The following CPXM2 variants were observed in gnomAD, a reference collection of about 807,000 sequenced individuals.
CPXM2 encodes carboxypeptidase X, M14 family member 2.
CPXM2 carries 66 observed loss-of-function variants against 86.1 expected under a neutral mutation model. The observed-to-expected ratio is 0.77, with a 90% confidence interval of 0.63 to 0.94. The LOEUF (loss-of-function observed/expected upper bound fraction) is 0.94, where lower values mean the gene tolerates loss of function less well. CPXM2 is among the 40% of genes least tolerant of loss of function. CPXM2 has a pLI of 0.00. For synonymous variants in CPXM2, 388 were observed against 400.2 expected (o/e 0.97, Z 0.36); for missense variants, 948 against 1,026.3 (o/e 0.92, Z 1.04).
intron 6 of CPXM2, among the ~76,000 whole-genome samples, chr10:123,794,734 CGTGTGTGTGTGT>C (rs142855432): frequency 2.8e-5 from 4 of 141,328 alleles, no homozygotes; most frequent in East Asian, 2.1e-4. Flanking sequence ...TATTTAAGAC[CGTGTGTGTGTGT>C]GTGTGTGTGT....
intron 2 of CPXM2, among the ~76,000 whole-genome samples, chr10:123,932,813 AG>A (rs1357133461): frequency 6.6e-6 from 1 of 152,224 alleles, no homozygotes; most frequent in Admixed American, 6.5e-5. Context: ...AAATACAGCA[AG>A]GGCTCCAACA....
At chr10:123,914,357 C>T (rs28706509) in intron 2 of CPXM2, among the ~76,000 whole-genome samples, 2,749 of 152,260 alleles carry the variant, frequency 0.018, 41 homozygotes, top group African/African-American at 0.045. Flanking sequence ...TGTTCTTTAG[C>T]GCTGGGTCTG....
At chr10:123,895,540 AATAACTCCTTCTGC>A (rs1338018431), upstream of CPXM2, among the ~76,000 whole-genome samples, 4 of 152,232 alleles carry the variant, frequency 2.6e-5, no homozygotes, top group South Asian at 2.1e-4. Flanking sequence ...AGAAAATTTC[AATAACTCCTTCTGC>A]ATAACTAATC....
intron 5 of CPXM2, among the ~76,000 whole-genome samples, chr10:123,798,683 G>A (rs1847387386): frequency 6.6e-6 from 1 of 152,208 alleles, no homozygotes; most frequent in Admixed American, 6.5e-5. Context: ...TGGATACCAT[G>A]CTAGGAATAT....
chr10:123,806,732 G>C (rs1017858097), intron 4 of CPXM2, among the ~76,000 whole-genome samples: 1 of 152,076 alleles, frequency 6.6e-6, no homozygotes, highest in African/African-American at 2.4e-5. Context: ...CACATCTTAC[G>C]TGGCGGCAGG....
intron 4 of CPXM2, among the ~76,000 whole-genome samples, chr10:123,803,352 T>A (rs1847504333): frequency 6.6e-6 from 1 of 152,040 alleles, no homozygotes; most frequent in Non-Finnish European, 1.5e-5. Flanking sequence ...GCTCAAGTGA[T>A]CTACCCACCT....
At chr10:123,762,581 G>A (rs917627154) in intron 10 of CPXM2, among the ~76,000 whole-genome samples, 4 of 152,134 alleles carry the variant, frequency 2.6e-5, no homozygotes, top group Admixed American at 1.3e-4. Flanking sequence ...TCAGTAATCT[G>A]GGGGAGGAGG....
chr10:123,776,603 AAGTATG>A (rs1485646871), intron 7 of CPXM2: 2 of 152,226 alleles, frequency 1.3e-5, no homozygotes, highest in Non-Finnish European at 2.9e-5. Flanking sequence ...AAGCTGAGAA[AAGTATG>A]ATGCATCCAC....
chr10:123,921,092 C>T (rs115393818), intron 2 of CPXM2, among the ~76,000 whole-genome samples: 1,968 of 152,134 alleles, frequency 0.013, 53 homozygotes, highest in African/African-American at 0.045. Context: ...CTTCTGAATG[C>T]ACCAGGTTGT....
chr10:123,931,208 G>A (rs946158224), intron 2 of CPXM2, among the ~76,000 whole-genome samples: 1 of 152,130 alleles, frequency 6.6e-6, no homozygotes, highest in African/African-American at 2.4e-5. Flanking sequence ...AAAGAGGAAG[G>A]GAGGTGAGAA....
rs144856988 is a variant in CPXM2, at chr10:123,885,299, G to C, written c.305-4990C>G. 3.8e-3 allele frequency among the ~76,000 whole-genome samples: 584 copies of C among 152,242 alleles called. 2 individuals are homozygous for C. The highest frequency in any genetic ancestry group is 0.013 in the African/African-American group (543 of 41,550). On this transcript the variant is annotated intron_variant, in intron 1 of 13. Transcript: ENST00000241305. This position sits in a 1 kb window ranked among gnomAD's most constrained non-coding sequence, Gnocchi z 4.0. The stretch of plus-strand genomic sequence containing the variant: ...GGCTGGGAGGCTGGGAGGCTGGAAG[G>C]CTGGGCATTGACCCCTCCAATCGTA...
At chr10:123,810,715 C>T (rs970775594) in intron 4 of CPXM2, among the ~76,000 whole-genome samples, 1 of 151,988 alleles carries the variant, frequency 6.6e-6, no homozygotes. Context: ...GGATCTATAC[C>T]ATGTTCATTG....
At chr10:123,937,340 G>C (rs935312189) in intron 2 of CPXM2, among the ~76,000 whole-genome samples, 4 of 152,146 alleles carry the variant, frequency 2.6e-5, no homozygotes, top group African/African-American at 9.7e-5. Context: ...CGGCAGCTCA[G>C]GGGGCTTCCC....
At chr10:123,788,542 C>T (rs1847124651) in intron 6 of CPXM2, among the ~76,000 whole-genome samples, 1 of 152,174 alleles carries the variant, frequency 6.6e-6, no homozygotes, top group African/African-American at 2.4e-5. Flanking sequence ...GAACCCTTCA[C>T]CCTTGCTTGT....
intron 4 of CPXM2, among the ~76,000 whole-genome samples, chr10:123,801,935 T>C (rs989438066): frequency 6.6e-6 from 1 of 152,232 alleles, no homozygotes; most frequent in Non-Finnish European, 1.5e-5. Flanking sequence ...ATTTCTTTCT[T>C]ATATGCTTTC....
At chr10:123,817,320 A>G (rs1847833585) in intron 4 of CPXM2, among the ~76,000 whole-genome samples, 1 of 152,176 alleles carries the variant, frequency 6.6e-6, no homozygotes, top group African/African-American at 2.4e-5. Context: ...AGCAGAAGAT[A>G]GGCATGCTGT....
chr10:123,883,064 A>C (rs577277450), intron 1 of CPXM2, among the ~76,000 whole-genome samples: 29 of 151,978 alleles, frequency 1.9e-4, no homozygotes, highest in Middle Eastern at 3.4e-3. Context: ...CCCACATCAC[A>C]ACACCATGGC....
At position 123,756,652 on chromosome 10, in the gene CPXM2, C is replaced by T. The variant is rs1271804227; in HGVS notation, c.1917+561G>A. 2.0e-5 allele frequency among the ~76,000 whole-genome samples: 3 copies of T among 150,010 alleles called. No homozygotes were observed. The East Asian group carries it at 6.0e-4, about 30-fold the overall frequency. ...AGAATGTGACTATGTACAGACGGAG[C>T]CTTCGAAGAGGTAATTAAGGGAAAA... On this transcript the variant is annotated intron_variant, in intron 12 of 13. Coordinates refer to ENST00000241305, the MANE Select transcript of CPXM2 (RefSeq NM_198148.3).
intron 4 of CPXM2, among the ~76,000 whole-genome samples, chr10:123,841,660 C>A (rs1210468477): frequency 6.6e-6 from 1 of 152,210 alleles, no homozygotes; most frequent in Non-Finnish European, 1.5e-5. Flanking sequence ...CCAAGCTGTA[C>A]CCATGTGTAG....
Sources: gnomAD v4.1 joint callset for allele counts (sites outside exome capture counted in the v4.1 genomes callset) on GRCh38, gnomAD v4.1.1 for gene constraint, Gnocchi (gnomAD v3.1) non-coding constraint, MANE v1.5 for transcripts, NCBI Gene and HGNC (gene_info 2026-07-23, HGNC 2026-07-21) for gene names.